RGPD2: variants seen among roughly 807,000 people sequenced by gnomAD.
The protein encoded by RGPD2 is RANBP2 like and GRIP domain containing 2.
Under a neutral mutation model 36.0 loss-of-function variants are expected in RGPD2, and 2 were observed. The ratio of observed to expected loss-of-function variants is 0.06; its 90% CI spans 0.02 to 0.17. RGPD2 has a LOEUF of 0.17. RGPD2 is among the 10% of genes least tolerant of loss of function. The pLI is 1.00. For missense variants in RGPD2, 40 were observed against 464.3 expected (o/e 0.09, Z 8.40); for synonymous variants, 19 against 163.8 (o/e 0.12, Z 6.75).
chr2:87,977,497 T>C, the RGPD2 span, among the ~76,000 whole-genome samples: 2 of 151,420 alleles, frequency 1.3e-5, no homozygotes, highest in African/African-American at 4.9e-5. Context: ...TGGCAAACAA[T>C]CTTGTGCAAA....
At chr2:87,986,015 A>C in the RGPD2 span, 1 of 772,176 alleles carries the variant, frequency 1.3e-6, no homozygotes. Flanking sequence ...GTAAAGGCCA[A>C]TTATTATGAA....
At chr2:87,785,270 A>T in intron 18 of RGPD2, 101 bp from the exon 19 acceptor site, 1 of 586,290 alleles carries the variant, frequency 1.7e-6, no homozygotes, top group Admixed American at 3.1e-5. Flanking sequence ...ATAGAAATTA[A>T]AGAAAGATTT....
chr2:87,861,004 T>C, the RGPD2 span, among the ~76,000 whole-genome samples: 1 of 152,176 alleles, frequency 6.6e-6, no homozygotes, highest in Non-Finnish European at 1.5e-5. Context: ...AATTAATGTA[T>C]GTAAGGATGT....
chr2:87,919,116 T>C, the RGPD2 span, among the ~76,000 whole-genome samples: 6 of 151,440 alleles, frequency 4.0e-5, no homozygotes, highest in African/African-American at 1.5e-4. Flanking sequence ...TTCAAAAGCA[T>C]CAAAAATACA....
At chr2:87,769,631 G>A (rs2104245805) in intron 22 of RGPD2, among the ~76,000 whole-genome samples, 1 of 152,048 alleles carries the variant, frequency 6.6e-6, no homozygotes, top group South Asian at 2.1e-4. Context: ...GCTTTTAAAA[G>A]AGACCTGTTA....
chr2:87,911,595 A>G, the RGPD2 span, among the ~76,000 whole-genome samples: 2 of 151,992 alleles, frequency 1.3e-5, no homozygotes, highest in Admixed American at 1.3e-4. Context: ...ATTATGTACT[A>G]TTGATTAGGA....
chr2:87,984,010 G>A, the RGPD2 span, among the ~76,000 whole-genome samples: 36 of 151,232 alleles, frequency 2.4e-4, no homozygotes, highest in Admixed American at 6.6e-5. Context: ...CGTGACGAAC[G>A]CAACCTGACG....
chr2:87,876,291 T>C, the RGPD2 span, among the ~76,000 whole-genome samples: 1 of 151,062 alleles, frequency 6.6e-6, no homozygotes, highest in Admixed American at 6.6e-5. Context: ...CTTGATTCTC[T>C]AGTTTTTGTT....
At chr2:87,885,205 A>C in the RGPD2 span, among the ~76,000 whole-genome samples, 1 of 152,112 alleles carries the variant, frequency 6.6e-6, no homozygotes, top group African/African-American at 2.4e-5. Flanking sequence ...AACATACATA[A>C]ATCAATAAAT....
At chr2:87,784,844 TCCA>T (rs1685531765) in intron 19 of RGPD2, among the ~76,000 whole-genome samples, 1 of 69,950 alleles carries the variant, frequency 1.4e-5, no homozygotes, top group Non-Finnish European at 3.1e-5. Context: ...CGATGAAGGA[TCCA>T]CCACCACCAC....
At chr2:87,857,604 A>G in the RGPD2 span, among the ~76,000 whole-genome samples, 2 of 151,834 alleles carry the variant, frequency 1.3e-5, no homozygotes, top group African/African-American at 2.4e-5. Context: ...GGCCTCCCAA[A>G]GTGAGCCACC....
chr2:87,829,989 C>A (rs952337639), upstream of RGPD2, among the ~76,000 whole-genome samples: 9 of 142,112 alleles, frequency 6.3e-5, no homozygotes, highest in Non-Finnish European at 6.1e-5. Context: ...CCTGTAAAAT[C>A]GAAAGCAAGC....
At chr2:87,988,842 G>T in the RGPD2 span, among the ~76,000 whole-genome samples, 1 of 151,820 alleles carries the variant, frequency 6.6e-6, no homozygotes, top group Non-Finnish European at 1.5e-5. Flanking sequence ...TGCCCAGCAG[G>T]CATGTCCATA....
the RGPD2 span, among the ~76,000 whole-genome samples, chr2:87,929,212 C>T: frequency 6.6e-6 from 1 of 151,852 alleles, no homozygotes; most frequent in Non-Finnish European, 1.5e-5. Flanking sequence ...TTTAATCCAT[C>T]TTGAATTAAT....
the RGPD2 span, among the ~76,000 whole-genome samples, chr2:87,854,649 T>A: frequency 6.6e-6 from 1 of 152,220 alleles, no homozygotes; most frequent in African/African-American, 2.4e-5. Flanking sequence ...ACTTTCAGAC[T>A]GGCTTCTTTC....
chr2:87,978,615 GAAATT>G, the RGPD2 span, among the ~76,000 whole-genome samples: 1 of 66,886 alleles, frequency 1.5e-5, no homozygotes. Context: ...TAATTTAAAA[GAAATT>G]AAATTAAATT....
intron 1 of RGPD2, among the ~76,000 whole-genome samples, chr2:87,822,515 C>T (rs1241718028): frequency 8.3e-6 from 1 of 119,862 alleles, no homozygotes; most frequent in Non-Finnish European, 1.7e-5. Flanking sequence ...AAATGATCAA[C>T]TAAATTAAGT....
intron 22 of RGPD2, among the ~76,000 whole-genome samples, chr2:87,760,654 G>T (rs1338312059): frequency 6.7e-4 from 5 of 7,502 alleles, no homozygotes; most frequent in South Asian, 4.2e-3. Context: ...GTCTTGCTCT[G>T]TTGCCCAGGC....
At chr2:87,882,455 C>T in the RGPD2 span, among the ~76,000 whole-genome samples, 17 of 152,310 alleles carry the variant, frequency 1.1e-4, no homozygotes, top group East Asian at 7.7e-4. Context: ...CATTAATCAA[C>T]GTGTCTATTT....
Sources: gnomAD v4.1 joint callset for allele counts (sites outside exome capture counted in the v4.1 genomes callset) on GRCh38, gnomAD v4.1.1 for gene constraint, MANE v1.5 for transcripts, NCBI Gene and HGNC (gene_info 2026-07-23, HGNC 2026-07-21) for gene names.